The following TNNI3K variants were observed in gnomAD, a reference collection of about 807,000 sequenced individuals.
The protein encoded by TNNI3K is serine/threonine-protein kinase TNNI3K.
In TNNI3K, 140 loss-of-function variants were observed where a neutral mutation model predicts 114.5. The ratio of observed to expected loss-of-function variants is 1.22; its 90% CI spans 1.07 to 1.41. TNNI3K has a LOEUF of 1.41. Ranked by LOEUF, TNNI3K falls within the 40% of genes most tolerant of loss-of-function variation. The probability of loss-of-function intolerance (pLI) is 0.00; values close to 1 mark genes in which losing one functional copy is unlikely to be tolerated. For synonymous variants in TNNI3K, 347 were observed against 347.5 expected (o/e 1.00, Z 0.02); for missense variants, 1,125 against 1,007.6 (o/e 1.12, Z -1.58).
At chr1:74,522,724 T>A (rs552499980) in intron 23 of TNNI3K, among the ~76,000 whole-genome samples, 5 of 152,268 alleles carry the variant, frequency 3.3e-5, no homozygotes, top group Non-Finnish European at 7.4e-5. Flanking sequence ...ATTCATTTTC[T>A]GATTGGAATA....
At chr1:74,434,764 A>C (rs1666049746) in intron 17 of TNNI3K, among the ~76,000 whole-genome samples, 1 of 152,052 alleles carries the variant, frequency 6.6e-6, no homozygotes, top group Non-Finnish European at 1.5e-5. Flanking sequence ...GCGCTACTGC[A>C]AGAAAAATGA....
intron 23 of TNNI3K, among the ~76,000 whole-genome samples, chr1:74,528,278 G>T (rs573628829): frequency 2.0e-5 from 3 of 152,284 alleles, no homozygotes; most frequent in African/African-American, 7.2e-5. Context: ...AGTGCAAGGG[G>T]CTGGAGCCTG....
rs374426978 is a variant in TNNI3K at position 74,270,143 on chromosome 1, G to C, written c.334-1455G>C. ...TTCACCTGGTAATACGATGAAAAGAGATGTGGGAAATAAATCTGCCTTAGT... is the reference window on the plus strand; with the variant it reads ...TTCACCTGGTAATACGATGAAAAGACATGTGGGAAATAAATCTGCCTTAGT... On this transcript the variant is annotated intron_variant, in intron 4 of 24. Coordinates refer to ENST00000326637, the MANE Select transcript of TNNI3K (RefSeq NM_015978.3). 9.9e-5 allele frequency among the ~76,000 whole-genome samples: 15 copies of C among 151,936 alleles called. No homozygotes were observed. The East Asian group carries it at 2.7e-3, about 28-fold the overall frequency.
intron 3 of TNNI3K, 138 bp from the exon 4 acceptor site, chr1:74,250,534 G>C: frequency 3.0e-6 from 2 of 656,938 alleles, no homozygotes; most frequent in Non-Finnish European, 4.8e-6. Context: ...TCAATTAATA[G>C]AAAACTTTAC....
intron 11 of TNNI3K, 126 bp downstream of exon 11, chr1:74,354,255 T>C: frequency 2.7e-6 from 4 of 1,474,672 alleles, no homozygotes; most frequent in Non-Finnish European, 3.6e-6. Context: ...AGATTTTACT[T>C]GAGTTTCTGG....
At chr1:74,353,519 A>G (rs1454293660) in intron 10 of TNNI3K, among the ~76,000 whole-genome samples, 159 bp downstream of exon 10, 2 of 152,152 alleles carry the variant, frequency 1.3e-5, no homozygotes, top group Non-Finnish European at 1.5e-5. Flanking sequence ...ACTGATAATA[A>G]TAAAAAGCAG....
intron 20 of TNNI3K, among the ~76,000 whole-genome samples, chr1:74,446,073 T>C (rs1020655897): frequency 6.6e-6 from 1 of 151,920 alleles, no homozygotes; most frequent in African/African-American, 2.4e-5. Flanking sequence ...GATGGCTGGG[T>C]CAAATGGTAT....
At chr1:74,343,292 A>G (rs1570491148) in intron 9 of TNNI3K, 113 bp downstream of exon 9, 3 of 1,166,790 alleles carry the variant, frequency 2.6e-6, no homozygotes, top group South Asian at 2.8e-5. Flanking sequence ...ATCAGAGAGC[A>G]ATAGCAGAGG....
At chr1:74,443,675 C>T (rs1409573924) in intron 20 of TNNI3K, among the ~76,000 whole-genome samples, 1 of 152,166 alleles carries the variant, frequency 6.6e-6, no homozygotes, top group Non-Finnish European at 1.5e-5. Flanking sequence ...CAGCATCATC[C>T]TGACACCAAA....
intron 21 of TNNI3K, among the ~76,000 whole-genome samples, chr1:74,488,418 T>G (rs1668876889): frequency 6.6e-6 from 1 of 152,180 alleles, no homozygotes; most frequent in African/African-American, 2.4e-5. Context: ...ACCTGAATGT[T>G]AAATTGGGCT....
chr1:74,475,704 A>G, intron 21 of TNNI3K: 1 of 703,930 alleles, frequency 1.4e-6, no homozygotes. Context: ...ACAGGGGTTC[A>G]TCGAAGGTTC....
chr1:74,500,509 C>T (rs1196928253), intron 23 of TNNI3K, among the ~76,000 whole-genome samples: 1 of 149,732 alleles, frequency 6.7e-6, no homozygotes, highest in Non-Finnish European at 1.5e-5. Context: ...GAGGCTGAGG[C>T]AGGAGAATGG....
intron 23 of TNNI3K, among the ~76,000 whole-genome samples, chr1:74,515,808 G>T (rs957853057): frequency 9.8e-5 from 15 of 152,304 alleles, no homozygotes; most frequent in African/African-American, 3.4e-4. Flanking sequence ...TTTCTCTTCA[G>T]AAGCCTAGTC....
At chr1:74,371,786 T>A (rs1215585448) in intron 17 of TNNI3K, 1 of 151,738 alleles carries the variant, frequency 6.6e-6, no homozygotes, top group East Asian at 1.9e-4. Flanking sequence ...TAAAGAGGTT[T>A]GAGCTGAAAA....
At chr1:74,335,349 G>A (rs200612910) in intron 6 of TNNI3K, among the ~76,000 whole-genome samples, 3 of 152,100 alleles carry the variant, frequency 2.0e-5, no homozygotes, top group Admixed American at 1.3e-4. Context: ...TACCCCTCAC[G>A]TTAACAACAT....
intron 21 of TNNI3K, among the ~76,000 whole-genome samples, chr1:74,464,006 T>A (rs12087130): frequency 0.014 from 2,118 of 152,310 alleles, 36 homozygotes; most frequent in East Asian, 0.058. Flanking sequence ...CTTTCTGAGT[T>A]GACAGTATTA....
chr1:74,523,800 G>C (rs938360970), intron 23 of TNNI3K, among the ~76,000 whole-genome samples: 9 of 152,170 alleles, frequency 5.9e-5, no homozygotes, highest in African/African-American at 2.2e-4. Flanking sequence ...TTATACTTAA[G>C]TTCTGGGATA....
At position 74,520,668 on chromosome 1, in the gene TNNI3K, C is replaced by T. The variant is rs573861524; in HGVS notation, c.2352-19566C>T. Among the ~76,000 whole-genome samples the T allele has an allele frequency of 4.6e-5, 7 of 151,916 alleles. 1 individual carries two copies. In the South Asian group the frequency reaches 1.5e-3, roughly 32 times the overall value. On this transcript the variant is annotated intron_variant, in intron 23 of 24. Transcript: ENST00000326637. Reference sequence around the variant, plus strand: ...CTTTAAATATTAACTGTATGGTCTGCTTCCATTTTTAAGACACTGAGAACA... The same window carrying T: ...CTTTAAATATTAACTGTATGGTCTGTTTCCATTTTTAAGACACTGAGAACA...
At chr1:74,310,514 G>C (rs1342420126) in intron 5 of TNNI3K, among the ~76,000 whole-genome samples, 2 of 152,004 alleles carry the variant, frequency 1.3e-5, no homozygotes, top group Non-Finnish European at 2.9e-5. Context: ...AGCCAGAGAA[G>C]CCTAAGCAAA....
Sources: allele counts gnomAD v4.1 joint callset (sites outside exome capture counted in the v4.1 genomes callset), GRCh38; gene constraint gnomAD v4.1.1; transcripts MANE v1.5; gene names NCBI Gene and HGNC (gene_info 2026-07-23, HGNC 2026-07-21).